The following BICC1 variants were observed in gnomAD, a reference collection of about 807,000 sequenced individuals.
BICC1 encodes protein bicaudal C homolog 1.
In BICC1, 43 loss-of-function variants were observed where a neutral mutation model predicts 111.0. That is an observed-to-expected ratio of 0.39 (90% CI 0.30 to 0.50). The LOEUF (loss-of-function observed/expected upper bound fraction) is 0.50. Among genes scored for constraint, BICC1 ranks in the 20% least tolerant of loss-of-function variants. BICC1 has a pLI of 0.88. For missense variants in BICC1, 1,091 were observed against 1,203.2 expected (o/e 0.91, Z 1.38); for synonymous variants, 467 against 434.4 (o/e 1.07, Z -0.93).
At chr10:58,784,879 C>G (rs184727952) in intron 3 of BICC1, 122 bp from the exon 4 acceptor site, 1 of 398,852 alleles carries the variant, frequency 2.5e-6, no homozygotes, top group African/African-American at 2.1e-5. Flanking sequence ...ATAATAATCT[C>G]CAAATGTTGA....
chr10:58,758,409 A>G (rs1263175315), intron 3 of BICC1, among the ~76,000 whole-genome samples: 1 of 152,230 alleles, frequency 6.6e-6, no homozygotes, highest in Non-Finnish European at 1.5e-5. Context: ...GGAACTTGTG[A>G]TGTATCCTAG....
intron 1 of BICC1, among the ~76,000 whole-genome samples, chr10:58,617,185 C>A (rs1441088568): frequency 1.3e-5 from 2 of 152,254 alleles, no homozygotes; most frequent in African/African-American, 4.8e-5. Flanking sequence ...TGCTGCCCTT[C>A]AGGCTCGTGA....
At chr10:58,814,062 A>C (rs759412059) in intron 18 of BICC1, 76 bp downstream of exon 18, 2 of 1,528,058 alleles carry the variant, frequency 1.3e-6, no homozygotes, top group African/African-American at 2.7e-5. Flanking sequence ...AGTATCACTG[A>C]CTGTGGCCTC....
chr10:58,673,229 T>G (rs1839235365), intron 2 of BICC1, among the ~76,000 whole-genome samples: 1 of 152,240 alleles, frequency 6.6e-6, no homozygotes, highest in Non-Finnish European at 1.5e-5. Context: ...TTAAAATTAC[T>G]TTTGCAGAAA....
chr10:58,607,901 T>C (rs1845282414), intron 1 of BICC1, among the ~76,000 whole-genome samples: 1 of 152,208 alleles, frequency 6.6e-6, no homozygotes, highest in Non-Finnish European at 1.5e-5. Context: ...ACTGGACATG[T>C]GGAGAACCCA....
intron 1 of BICC1, among the ~76,000 whole-genome samples, chr10:58,528,097 G>T (rs1350920854): frequency 1.3e-5 from 2 of 151,946 alleles, no homozygotes; most frequent in Admixed American, 1.3e-4. Context: ...TAGAATAAAT[G>T]ACCCATGATG....
intron 2 of BICC1, among the ~76,000 whole-genome samples, chr10:58,649,598 G>C (rs911538257): frequency 4.6e-5 from 7 of 152,190 alleles, no homozygotes; most frequent in African/African-American, 1.7e-4. Context: ...GAGGCTGTCA[G>C]CAGCCAGTTA....
chr10:58,745,448 A>G (rs958755499), intron 3 of BICC1, among the ~76,000 whole-genome samples: 2 of 152,124 alleles, frequency 1.3e-5, no homozygotes, highest in Admixed American at 1.3e-4. Flanking sequence ...TAGCTGGCTT[A>G]ATACAGACAC....
At chr10:58,595,651 G>A (rs967256047) in intron 1 of BICC1, among the ~76,000 whole-genome samples, 7 of 152,280 alleles carry the variant, frequency 4.6e-5, no homozygotes, top group Admixed American at 3.3e-4. Context: ...AAATAAAGAT[G>A]TTCTTTGAAA....
At chr10:58,574,345 G>C (rs1319767247) in intron 1 of BICC1, among the ~76,000 whole-genome samples, 2 of 151,988 alleles carry the variant, frequency 1.3e-5, no homozygotes, top group East Asian at 3.9e-4. Context: ...TGTTAAGACT[G>C]TCCTGGAAAA....
At chr10:58,677,864 C>T (rs1410908138) in intron 2 of BICC1, among the ~76,000 whole-genome samples, 1 of 152,312 alleles carries the variant, frequency 6.6e-6, no homozygotes, top group Middle Eastern at 3.4e-3. Context: ...TGAAATCCTA[C>T]AAACCAGAAA....
chr10:58,647,489 T>C (rs1441957646), intron 2 of BICC1, among the ~76,000 whole-genome samples: 3 of 152,314 alleles, frequency 2.0e-5, no homozygotes, highest in East Asian at 3.9e-4. Context: ...TTTAATACCA[T>C]AAAATGCTAC....
chr10:58,824,831 C>T (rs944934823), intron 20 of BICC1, among the ~76,000 whole-genome samples: 3 of 152,024 alleles, frequency 2.0e-5, no homozygotes, highest in African/African-American at 7.3e-5. Context: ...GTATCAAAAC[C>T]CTAATTTCCA....
chr10:58,569,563 C>T (rs368107975), intron 1 of BICC1, among the ~76,000 whole-genome samples: 18 of 152,196 alleles, frequency 1.2e-4, no homozygotes, highest in African/African-American at 4.3e-4. Flanking sequence ...CCTGGCAGGT[C>T]CCAGTGTGTG....
At position 58,679,494 on chromosome 10, in the gene BICC1, C is replaced by A. The variant is rs148429437; in HGVS notation, c.238-22580C>A. The stretch of plus-strand genomic sequence containing the variant: ...TCCAAAGACTAAACCAGGAAGAAAT[C>A]GAATCCCTAAATAGACCAATAACGA... On this transcript the variant is annotated intron_variant, in intron 2 of 20. Coordinates refer to ENST00000373886, the MANE Select transcript of BICC1 (RefSeq NM_001080512.3). 7.7e-3 allele frequency among the ~76,000 whole-genome samples: 1,178 copies of A among 152,040 alleles called. 18 individuals carry two copies. Among genetic ancestry groups the A allele is most frequent in the African/African-American group, 0.026 (1,097 of 41,488 alleles).
At chr10:58,737,304 T>C (rs1436992694) in intron 3 of BICC1, among the ~76,000 whole-genome samples, 1 of 152,148 alleles carries the variant, frequency 6.6e-6, no homozygotes, top group Non-Finnish European at 1.5e-5. Flanking sequence ...TGTGTCCATG[T>C]GTTCTCATTG....
chr10:58,728,127 A>G (rs1050588497), intron 3 of BICC1, among the ~76,000 whole-genome samples: 2 of 152,212 alleles, frequency 1.3e-5, no homozygotes, highest in African/African-American at 4.8e-5. Flanking sequence ...GAAAGTCAAC[A>G]ATGAAGTTTG....
intron 3 of BICC1, among the ~76,000 whole-genome samples, chr10:58,780,730 A>G (rs924938640): frequency 2.0e-5 from 3 of 152,224 alleles, no homozygotes; most frequent in Non-Finnish European, 4.4e-5. Flanking sequence ...TAGAAACCAG[A>G]GTACCAAGAG....
At chr10:58,676,222 T>A (rs548273893) in intron 2 of BICC1, among the ~76,000 whole-genome samples, 1 of 152,278 alleles carries the variant, frequency 6.6e-6, no homozygotes, top group Non-Finnish European at 1.5e-5. Flanking sequence ...CCGAACTAGC[T>A]GCAGGAGTGT....
Sources: gnomAD v4.1 joint callset for allele counts (sites outside exome capture counted in the v4.1 genomes callset) on GRCh38, gnomAD v4.1.1 for gene constraint, MANE v1.5 for transcripts, NCBI Gene and HGNC (gene_info 2026-07-23, HGNC 2026-07-21) for gene names.